The following ABR variants were observed in gnomAD, a reference collection of about 807,000 sequenced individuals.
The protein encoded by ABR is active breakpoint cluster region-related protein.
In ABR, 35 loss-of-function variants were observed where a neutral mutation model predicts 107.2. The ratio of observed to expected loss-of-function variants is 0.33; its 90% CI spans 0.25 to 0.43. The LOEUF (loss-of-function observed/expected upper bound fraction) is 0.43, where lower values mean the gene tolerates loss of function less well. Among genes scored for constraint, ABR ranks in the 20% least tolerant of loss-of-function variants. The pLI, the probability that ABR is intolerant of heterozygous loss-of-function variation, is 1.00. For synonymous variants in ABR, 498 were observed against 462.0 expected, an observed-to-expected ratio of 1.08 and a Z score of -1.00; for missense variants, 815 against 1,115.2, an observed-to-expected ratio of 0.73 and a Z score of 3.83.
At chr17:1,017,510 C>A (rs1334611418) in intron 16 of ABR, among the ~76,000 whole-genome samples, 1 of 148,430 alleles carries the variant, frequency 6.7e-6, no homozygotes, top group Non-Finnish European at 1.5e-5. Context: ...ACTCTTGTTG[C>A]CCAGGCTGGA....
intron 1 of ABR, 62 bp from the exon 2 acceptor site, chr17:1,125,429 G>C: frequency 6.3e-7 from 1 of 1,592,102 alleles, no homozygotes; most frequent in South Asian, 1.1e-5. Flanking sequence ...GGGACTGGTA[G>C]CGTAGTGGGC....
Position 1,029,114 on chromosome 17 carries a change from A to C in ABR, c.1792-15950T>G, listed in dbSNP as rs200835046. Among the ~76,000 whole-genome samples, 306 of 152,076 alleles carry C rather than the reference A, an allele frequency of 2.0e-3. 3 individuals carry two copies. Among genetic ancestry groups the C allele is most frequent in the Middle Eastern group, 6.8e-3 (2 of 292 alleles). ...GTGTGATTTGAGGCAAAAAAAAAAA[A>C]AAACAAACAGGGAAAAGGAAAGAAA... is the stretch of plus-strand genomic sequence containing the variant. On this transcript the variant is annotated intron_variant, in intron 16 of 22. Transcript: ENST00000302538.
chr17:1,208,362 T>C (rs887722848), intron 1 of ABR, among the ~76,000 whole-genome samples: 8 of 152,256 alleles, frequency 5.3e-5, no homozygotes, highest in African/African-American at 1.7e-4. Context: ...AGCTGAGGAA[T>C]TGACATTCTC....
chr17:1,221,259 TAAAAAC>T (rs1489293054), intron 1 of ABR, among the ~76,000 whole-genome samples: 1 of 152,178 alleles, frequency 6.6e-6, no homozygotes, highest in Non-Finnish European at 1.5e-5. Flanking sequence ...ACTAAGGAGA[TAAAAAC>T]AGAAACTGTC....
chr17:1,047,075 G>A (rs995970716), intron 16 of ABR, among the ~76,000 whole-genome samples: 2 of 152,238 alleles, frequency 1.3e-5, no homozygotes, highest in African/African-American at 4.8e-5. Flanking sequence ...TTAGGCCGTA[G>A]GGCCCCTTGC....
intron 16 of ABR, among the ~76,000 whole-genome samples, chr17:1,038,163 C>T (rs895150532): frequency 3.3e-5 from 5 of 152,140 alleles, no homozygotes; most frequent in South Asian, 2.1e-4. Flanking sequence ...GGAATTCCCA[C>T]GCCCCACAGG....
chr17:1,211,018 G>T (rs548930556), intron 1 of ABR, among the ~76,000 whole-genome samples: 1 of 152,178 alleles, frequency 6.6e-6, no homozygotes, highest in Non-Finnish European at 1.5e-5. Context: ...GGTGGCTCAC[G>T]CCTATAATCC....
At chr17:1,090,790 G>A (rs1054935070) in intron 4 of ABR, among the ~76,000 whole-genome samples, 1 of 152,188 alleles carries the variant, frequency 6.6e-6, no homozygotes, top group Non-Finnish European at 1.5e-5. Context: ...GGAAGGAGGA[G>A]AAGGTCCTCT....
chr17:1,019,655 T>C (rs1597390748), intron 16 of ABR, among the ~76,000 whole-genome samples: 1 of 152,388 alleles, frequency 6.6e-6, no homozygotes, highest in South Asian at 2.1e-4. Context: ...AGGCACAGCG[T>C]ACATTTTCCA....
At chr17:1,073,154 T>G (rs1289683152) in intron 7 of ABR, among the ~76,000 whole-genome samples, 1 of 123,408 alleles carries the variant, frequency 8.1e-6, no homozygotes, top group Non-Finnish European at 1.6e-5. Context: ...CACTCCAGCC[T>G]GGGTGACAGA....
chr17:1,043,706 G>A (rs748976071), intron 16 of ABR, among the ~76,000 whole-genome samples: 6 of 152,272 alleles, frequency 3.9e-5, no homozygotes, highest in East Asian at 1.9e-4. Flanking sequence ...AAGGCCGGAC[G>A]CGGTGGCTCA....
At chr17:1,140,948 T>C (rs888074985) in intron 1 of ABR, among the ~76,000 whole-genome samples, 6 of 152,016 alleles carry the variant, frequency 3.9e-5, no homozygotes, top group African/African-American at 1.4e-4. Flanking sequence ...CACTCCAGCC[T>C]GGGTGACAGA....
intron 1 of ABR, among the ~76,000 whole-genome samples, chr17:1,224,698 A>C (rs1222069795): frequency 1.3e-5 from 2 of 152,122 alleles, no homozygotes; most frequent in Non-Finnish European, 2.9e-5. Flanking sequence ...TTTTAGAGAC[A>C]GGGACTCGCT....
At chr17:1,218,568 T>G (rs1270341610) in intron 1 of ABR, among the ~76,000 whole-genome samples, 1 of 152,188 alleles carries the variant, frequency 6.6e-6, no homozygotes, top group Non-Finnish European at 1.5e-5. Flanking sequence ...ACTCAATGTC[T>G]CTAGACTTGT....
intron 16 of ABR, among the ~76,000 whole-genome samples, chr17:1,025,745 T>C (rs866103389): frequency 1.3e-5 from 2 of 152,146 alleles, no homozygotes; most frequent in Non-Finnish European, 2.9e-5. Flanking sequence ...TACCCAGTTG[T>C]GTTTATTTTT....
chr17:1,219,490 T>C (rs1340842463), intron 1 of ABR, among the ~76,000 whole-genome samples: 2 of 150,614 alleles, frequency 1.3e-5, no homozygotes, highest in African/African-American at 4.9e-5. Context: ...ATGATGTGCA[T>C]CTGGATTTAT....
At chr17:1,109,104 G>C (rs370089424) in intron 2 of ABR, 8 of 1,587,204 alleles carry the variant, frequency 5.0e-6, no homozygotes, top group South Asian at 1.1e-5. Flanking sequence ...ACAGGAAGCG[G>C]GGTCCACGCA....
At position 1,050,464 on chromosome 17, in the gene ABR, G is replaced by A. The variant is rs2032341921; in HGVS notation, c.1659+73C>T. 1 of 1,395,296 alleles carries A rather than the reference G, an allele frequency of 7.2e-7. No homozygotes were observed. Among genetic ancestry groups the A allele is most frequent in the Non-Finnish European group, 1.0e-6 (1 of 982,354 alleles). The allele number at this position is 1,395,296 out of a possible 1,614,324, so 86.4% of individuals were successfully genotyped here. A position where few individuals can be genotyped will look rare whatever the true frequency, so the allele number is the denominator to read the frequency against. On this transcript the variant is annotated intron_variant, in intron 15 of 22. Transcript: ENST00000302538. The surrounding 1 kb of genome is among the most constrained non-coding windows in gnomAD (Gnocchi z 4.6). ...CATAGCTGGTCCAACCAATGGGCTGGCCGTCCCCAGCAGACAAGCCACGAG... is the reference window on the plus strand; with the variant it reads ...CATAGCTGGTCCAACCAATGGGCTGACCGTCCCCAGCAGACAAGCCACGAG...
At chr17:1,020,053 G>A (rs182042179) in intron 16 of ABR, among the ~76,000 whole-genome samples, 10 of 152,318 alleles carry the variant, frequency 6.6e-5, no homozygotes, top group African/African-American at 1.4e-4. Context: ...CGACTGGGCC[G>A]TACATGGTCA....
Sources: gnomAD v4.1 joint callset for allele counts (sites outside exome capture counted in the v4.1 genomes callset) on GRCh38, gnomAD v4.1.1 for gene constraint, Gnocchi (gnomAD v3.1) non-coding constraint, MANE v1.5 for transcripts, NCBI Gene and HGNC (gene_info 2026-07-23, HGNC 2026-07-21) for gene names.